The following SENP1 variants were observed in gnomAD, a reference collection of about 807,000 sequenced individuals.
SENP1 encodes SUMO specific peptidase 1, also known as sentrin-specific protease 1.
Under a neutral mutation model 93.0 loss-of-function variants are expected in SENP1, and 21 were observed. The observed-to-expected ratio is 0.23, with a 90% confidence interval of 0.16 to 0.33. SENP1 has a LOEUF of 0.33. Ranked by LOEUF, SENP1 falls within the 10% of genes least tolerant of loss-of-function variation. The pLI, the probability that SENP1 is intolerant of heterozygous loss-of-function variation, is 1.00. For synonymous variants in SENP1, 256 were observed against 259.6 expected, an observed-to-expected ratio of 0.99 and a Z score of 0.13; for missense variants, 591 against 758.7, an observed-to-expected ratio of 0.78 and a Z score of 2.60.
intron 13 of SENP1, among the ~76,000 whole-genome samples, chr12:48,055,809 TATC>T (rs1454278605): frequency 2.1e-5 from 3 of 145,362 alleles, no homozygotes; most frequent in Non-Finnish European, 3.0e-5. Context: ...AAATAAAATA[TATC>T]ATATTAATAT....
chr12:48,076,934 G>A (rs12313300), intron 6 of SENP1, among the ~76,000 whole-genome samples: 25,352 of 152,032 alleles, frequency 0.17, 2,448 homozygotes, highest in East Asian at 0.28. Context: ...CGTGAGCCAC[G>A]GCGCCCAGCC....
intron 8 of SENP1, 66 bp from the exon 9 acceptor site, chr12:48,071,787 T>G: frequency 3.8e-6 from 4 of 1,039,372 alleles, no homozygotes; most frequent in African/African-American, 1.6e-5. Flanking sequence ...CTAGATATCT[T>G]AGTTTAAGTT....
chr12:48,087,960 T>G (rs1944993022), intron 5 of SENP1, among the ~76,000 whole-genome samples: 1 of 152,218 alleles, frequency 6.6e-6, no homozygotes, highest in Admixed American at 6.5e-5. Flanking sequence ...GAAAAGTTTC[T>G]AAGCCAGATT....
intron 5 of SENP1, among the ~76,000 whole-genome samples, chr12:48,084,512 G>A (rs575591669): frequency 5.0e-5 from 7 of 141,020 alleles, no homozygotes; most frequent in African/African-American, 7.9e-5. Flanking sequence ...GCAGTGGCAC[G>A]ACCTTGGCTC....
At chr12:48,077,317 C>T (rs1207921281) in intron 6 of SENP1, among the ~76,000 whole-genome samples, 3 of 152,110 alleles carry the variant, frequency 2.0e-5, no homozygotes, top group Admixed American at 6.6e-5. Flanking sequence ...TATGACTTTG[C>T]GTGCAAATCC....
At chr12:48,069,031 T>C (rs549270143) in intron 9 of SENP1, among the ~76,000 whole-genome samples, 34 of 151,626 alleles carry the variant, frequency 2.2e-4, no homozygotes, top group African/African-American at 8.2e-4. Context: ...CATATGCCTG[T>C]AATCCCAGCT....
chr12:48,083,622 G>C lies in SENP1; in HGVS notation c.521C>G (p.Thr174Ser), dbSNP rs770386065. 1 of 1,613,802 alleles carries C rather than the reference G, an allele frequency of 6.2e-7. No homozygotes were observed. The highest frequency in any genetic ancestry group is 1.7e-5 in the Admixed American group (1 of 59,990). ...TGCTGTACTAACATGTCGCCTCTGA[G>C]TTTTCTTGGGGCTCAAAAGACTTCG... The part of the protein sequence containing the change: ...CRRSLLSPKK[T>S]QRRHVSTAEE... The change falls in exon 6 of 18, where the codon ACT becomes AGT. Residue 174 changes from threonine (T) to serine (S), a missense_variant. Physicochemically the swap from Thr to Ser is moderately conservative, Grantham distance 58 (BLOSUM62 1). Coordinates refer to ENST00000549518, the MANE Select transcript of SENP1 (RefSeq NM_001267594.2).
chr12:48,088,942 C>G lies in SENP1; in HGVS notation c.239G>C (p.Ser80Thr), dbSNP rs1166647336. 3.8e-6 allele frequency: 6 copies of G among 1,589,928 alleles called. No homozygotes were observed. Among genetic ancestry groups the G allele is most frequent in the Non-Finnish European group, 5.1e-6 (6 of 1,168,406 alleles). ...SYYSDNPSSD[S>T]FLGSGDLRTF... is the part of the protein sequence containing the mutation. ...TCTTAAATCGCCTGAGCCAAGAAAACTGTCTGAGGAAGGATTATCTAAAAA... is the reference window on the plus strand; with the variant it reads ...TCTTAAATCGCCTGAGCCAAGAAAAGTGTCTGAGGAAGGATTATCTAAAAA... Residue 80 changes from serine to threonine, a missense_variant, in exon 5 of 18, where the codon AGT becomes ACT. Around this residue, in one of 4 missense-constraint regions of SENP1, gnomAD observed 214 missense variants for 243.4 expected, o/e 0.88. Coordinates refer to ENST00000549518, the MANE Select transcript of SENP1 (RefSeq NM_001267594.2).
intron 13 of SENP1, among the ~76,000 whole-genome samples, chr12:48,062,544 A>G (rs1485244448): frequency 6.6e-6 from 1 of 152,222 alleles, no homozygotes; most frequent in Non-Finnish European, 1.5e-5. Flanking sequence ...GGCCCCAGAG[A>G]AAAAAAGCAT....
chr12:48,098,337 C>CA (rs745678312), intron 2 of SENP1, among the ~76,000 whole-genome samples: 26 of 151,472 alleles, frequency 1.7e-4, no homozygotes, highest in African/African-American at 6.1e-4. Flanking sequence ...CCTGTCTCTA[C>CA]AAAAAAATTT....
At position 48,049,342 on chromosome 12, in the gene SENP1, C is replaced by T. The variant is rs1941613113; in HGVS notation, c.1408-210G>A. ...AAATGGTGAAAAGAGAAAAAGCTGA[C>T]ATATATATTATGGGGTTGGGAGTAC... On this transcript the variant is annotated intron_variant, in intron 13 of 17. Transcript: ENST00000549518. 2.0e-5 allele frequency among the ~76,000 whole-genome samples: 3 copies of T among 152,114 alleles called. No individual in the cohort carries two copies. The South Asian group carries it at 6.2e-4, about 32-fold the overall frequency.
intron 4 of SENP1, among the ~76,000 whole-genome samples, chr12:48,094,771 A>G (rs1309556602): frequency 1.3e-5 from 2 of 152,186 alleles, no homozygotes; most frequent in South Asian, 2.1e-4. Flanking sequence ...AATTTTCTAT[A>G]TAACTTTATT....
intron 6 of SENP1, among the ~76,000 whole-genome samples, chr12:48,082,551 A>G (rs977175627): frequency 1.3e-5 from 2 of 151,130 alleles, no homozygotes; most frequent in Non-Finnish European, 2.9e-5. Context: ...TGGAAAGTAC[A>G]CTGGAAGCTC....
At chr12:48,081,691 C>T (rs1467206141) in intron 6 of SENP1, among the ~76,000 whole-genome samples, 1 of 151,476 alleles carries the variant, frequency 6.6e-6, no homozygotes, top group Non-Finnish European at 1.5e-5. Flanking sequence ...CTGCTTCAGC[C>T]TCCTGAGTAG....
intron 1 of SENP1, among the ~76,000 whole-genome samples, chr12:48,104,544 G>A (rs11168408): frequency 0.73 from 111,117 of 152,130 alleles, 42,108 homozygotes; most frequent in East Asian, 0.99. Flanking sequence ...AACCCTAAGT[G>A]TTCAAATTCT....
chr12:48,093,632 TTC>T (rs1383818183), intron 4 of SENP1, among the ~76,000 whole-genome samples: 9 of 151,870 alleles, frequency 5.9e-5, no homozygotes, highest in Admixed American at 5.3e-4. Context: ...AATTTTGGTT[TTC>T]AGAGGTTTTT....
chr12:48,070,689 G>A (rs957619038), intron 9 of SENP1, among the ~76,000 whole-genome samples: 17 of 152,172 alleles, frequency 1.1e-4, no homozygotes, highest in Admixed American at 1.0e-3. Flanking sequence ...TTCAATGTCT[G>A]ATAAACCACC....
intron 14 of SENP1, among the ~76,000 whole-genome samples, chr12:48,048,319 T>A (rs887809623): frequency 6.6e-6 from 1 of 152,220 alleles, no homozygotes; most frequent in Non-Finnish European, 1.5e-5. Flanking sequence ...GAAGCCTTTT[T>A]CTAATGTTCA....
intron 4 of SENP1, chr12:48,089,266 T>C: frequency 1.4e-6 from 2 of 1,394,176 alleles, no homozygotes; most frequent in Non-Finnish European, 1.9e-6. Flanking sequence ...ACCCCAACTA[T>C]ATCTTGCAAG....
Sources: gnomAD v4.1 joint callset for allele counts (sites outside exome capture counted in the v4.1 genomes callset) on GRCh38, gnomAD v4.1.1 for gene constraint, gnomAD v4.1.1 regional missense constraint, MANE v1.5 for transcripts, NCBI Gene and HGNC (gene_info 2026-07-23, HGNC 2026-07-21) for gene names.